The following SPG11 variants were observed in gnomAD, a reference collection of about 807,000 sequenced individuals.
SPG11 encodes spatacsin.
SPG11 carries 222 observed loss-of-function variants against 274.0 expected under a neutral mutation model. That is an observed-to-expected ratio of 0.81 (90% CI 0.73 to 0.91). The LOEUF (loss-of-function observed/expected upper bound fraction) is 0.91. SPG11 is among the 40% of genes least tolerant of loss of function. The pLI is 0.00. For synonymous variants in SPG11, 1,144 were observed against 1,039.7 expected (o/e 1.10, Z -1.93); for missense variants, 3,114 against 2,872.7 (o/e 1.08, Z -1.92).
chr15:44,657,587 C>G (rs2084978072), intron 3 of SPG11, among the ~76,000 whole-genome samples: 1 of 152,118 alleles, frequency 6.6e-6, no homozygotes, highest in South Asian at 2.1e-4. Flanking sequence ...TGAGGTAAAC[C>G]TACTATTTTA....
Position 44,651,816 on chromosome 15 carries a change from G to T in SPG11, c.1131C>A (p.His377Gln), listed in dbSNP as rs148613119. The T allele has an allele frequency of 6.2e-7, 1 of 1,614,118 alleles. No individual in the cohort carries two copies. The highest frequency in any genetic ancestry group is 8.5e-7 in the Non-Finnish European group (1 of 1,180,020). The change falls in exon 6 of 40, where the codon CAC becomes CAA. Residue 377 changes from histidine to glutamine, a missense_variant. By Grantham distance (24) the His-to-Gln change is conservative. Transcript: ENST00000261866. ...LHLESPESGN[H>Q]STSVQSWAFI... ...AGGCCCAGCTCTGCACACTTGTACT[G>T]TGGTTACCAGATTCAGGTGACTCCA...
At position 44,615,564 on chromosome 15, in the gene SPG11, T is replaced by C. The variant is rs758371302; in HGVS notation, c.2837A>G (p.Asn946Ser). Residue 946 changes from asparagine to serine, a missense_variant and splice_region_variant, in exon 16 of 40, where the codon AAT becomes AGT. By Grantham distance (46) the Asn-to-Ser change is conservative (BLOSUM62 1). Transcript: ENST00000261866. ...RNEILDKLAR[N>S]GVFLASELED... ...CAGTTCAGATGCCAAAAAAACCCCA[T>C]TCCTATGGACAGATTTATAGGATGT... The C allele has an allele frequency of 1.2e-6, 2 of 1,613,742 alleles. No individual in the cohort carries two copies. Among genetic ancestry groups the C allele is most frequent in the Admixed American group, 1.7e-5 (1 of 59,992 alleles).
intron 8 of SPG11, among the ~76,000 whole-genome samples, chr15:44,630,498 T>C (rs998492524): frequency 1.3e-5 from 2 of 152,232 alleles, no homozygotes; most frequent in Admixed American, 1.3e-4. Context: ...AAGCAGTTTT[T>C]AAAACATCAG....
intron 1 of SPG11, among the ~76,000 whole-genome samples, chr15:44,660,856 G>A (rs1566835631): frequency 6.6e-6 from 1 of 152,096 alleles, no homozygotes; most frequent in African/African-American, 2.4e-5. Context: ...GGGGCTCAGA[G>A]CAAGAAATGA....
chr15:44,641,922 G>GAAAAAAAA (rs71111874), intron 7 of SPG11, among the ~76,000 whole-genome samples: 12 of 55,870 alleles, frequency 2.1e-4, no homozygotes, highest in East Asian at 4.4e-4. Flanking sequence ...CTGCTTAACA[G>GAAAAAAAA]AAAAAAAAAA....
chr15:44,632,332 A>C (rs1316971866), intron 8 of SPG11, among the ~76,000 whole-genome samples: 2 of 152,128 alleles, frequency 1.3e-5, no homozygotes, highest in African/African-American at 4.8e-5. Context: ...CACCAAAACA[A>C]TGGTTTCCAG....
At position 44,608,395 on chromosome 15, in the gene SPG11, C is replaced by A. The variant is rs760491699; in HGVS notation, c.3453+49G>T. 1.9e-6 allele frequency: 3 copies of A among 1,588,502 alleles called. No homozygotes were observed. In the African/African-American group the frequency reaches 4.0e-5, roughly 21 times the overall value. Reference sequence around the variant, plus strand: ...AAAGATCTAGAGTGATTTCTGTTTTCCTGGCTGAACTCTGATAGACCTAAA... The same window carrying A: ...AAAGATCTAGAGTGATTTCTGTTTTACTGGCTGAACTCTGATAGACCTAAA... On this transcript the variant is annotated intron_variant, in intron 19 of 39. Transcript: ENST00000261866.
Position 44,657,178 on chromosome 15 carries a change from C to G in SPG11, c.786G>C (p.Leu262=), listed in dbSNP as rs754239754. The G allele has an allele frequency of 1.4e-5, 23 of 1,614,158 alleles. No homozygotes were observed. The highest frequency in any genetic ancestry group is 1.9e-5 in the Non-Finnish European group (23 of 1,180,034). Residue 262 remains leucine, a synonymous_variant, in exon 4 of 40, where the codon CTG becomes CTC. Coordinates refer to ENST00000261866, the MANE Select transcript of SPG11 (RefSeq NM_025137.4). The part of the protein sequence containing the change: ...EPAKISSFTS[L]KVSQDLDVAV... ...CAACATCGAGGTCTTGAGAAACTTTCAGTGAAGTAAATGAAGAAATCTTGG... is the reference window on the plus strand; with the variant it reads ...CAACATCGAGGTCTTGAGAAACTTTGAGTGAAGTAAATGAAGAAATCTTGG...
rs113449103 is a variant in SPG11 at position 44,597,904 on chromosome 15, T to C, written c.4001+361A>G. Among the ~76,000 whole-genome samples the C allele has an allele frequency of 9.2e-3, 1,403 of 152,302 alleles. 26 individuals are homozygous for C. The highest frequency in any genetic ancestry group is 0.031 in the African/African-American group (1,309 of 41,564). ...GGAAGACCCATCCTACATCATCCTC[T>C]TCTTCATTTTTTTCCAATCCTCCAA... On this transcript the variant is annotated intron_variant, in intron 23 of 39. Coordinates refer to ENST00000261866, the MANE Select transcript of SPG11 (RefSeq NM_025137.4).
Position 44,565,535 on chromosome 15 carries a change from G to A in SPG11, c.6999+319C>T, listed in dbSNP as rs374756778. ...CTTGCCCAGTGCTCACTTGCTGTGC[G>A]GCCTGGTTCCTAGCAGGCCATGGGC... On this transcript the variant is annotated intron_variant, in intron 38 of 39. Transcript: ENST00000261866. Among the ~76,000 whole-genome samples the A allele has an allele frequency of 1.3e-3, 204 of 152,272 alleles. 3 individuals carry two copies. In the South Asian group the frequency reaches 0.023, roughly 18 times the overall value.
chr15:44,661,177 G>C (rs1478401996), intron 1 of SPG11, among the ~76,000 whole-genome samples: 4 of 152,104 alleles, frequency 2.6e-5, no homozygotes, highest in Non-Finnish European at 2.9e-5. Flanking sequence ...TTGAAATGTG[G>C]GGCAACTGAG....
intron 4 of SPG11, among the ~76,000 whole-genome samples, chr15:44,654,564 C>T (rs1011915731): frequency 7.2e-4 from 109 of 152,144 alleles, no homozygotes; most frequent in African/African-American, 2.6e-3. Flanking sequence ...ATTGGCTGGG[C>T]GCGGTGGCTC....
intron 20 of SPG11, among the ~76,000 whole-genome samples, chr15:44,601,899 C>T (rs1447933600): frequency 6.6e-6 from 1 of 152,094 alleles, no homozygotes; most frequent in Non-Finnish European, 1.5e-5. Flanking sequence ...CCTCTTTCAC[C>T]AATGTTTGAT....
intron 33 of SPG11, among the ~76,000 whole-genome samples, chr15:44,571,858 C>A (rs1009477213): frequency 2.6e-5 from 4 of 152,140 alleles, no homozygotes; most frequent in Non-Finnish European, 5.9e-5. Flanking sequence ...GTGTTGCAAT[C>A]ACAGCTCATT....
chr15:44,601,554 CTTCTTTT>C (rs1180596059), intron 20 of SPG11, among the ~76,000 whole-genome samples: 1,609 of 136,458 alleles, frequency 0.012, 36 homozygotes, highest in African/African-American at 0.047. Context: ...CGCCCAGCCT[CTTCTTTT>C]TTTTTTTTTT....
Position 44,596,815 on chromosome 15 carries a change from T to C in SPG11, c.4130A>G (p.His1377Arg). ...KANDWLQFII[H>R]SQLHNYHPAE... ...TGGGTGGTAGTTGTGGAGTTGGCTG[T>C]GAATAATGAACTGCAGCCAATCATT... Residue 1377 changes from histidine (H) to arginine (R), a missense_variant, in exon 24 of 40, where the codon CAC (histidine) becomes CGC (arginine). His to Arg is a conservative substitution (Grantham distance 29). Coordinates refer to ENST00000261866, the MANE Select transcript of SPG11 (RefSeq NM_025137.4). The C allele has an allele frequency of 6.2e-7, 1 of 1,614,050 alleles. No individual in the cohort carries two copies.
At position 44,598,251 on chromosome 15, in the gene SPG11, T is replaced by C. The variant is rs1402860105; in HGVS notation, c.4001+14A>G. The C allele has an allele frequency of 3.1e-6, 5 of 1,588,312 alleles. No homozygotes were observed. Among genetic ancestry groups the C allele is most frequent in the Admixed American group, 3.3e-5 (2 of 59,954 alleles). ...AGCTTGTTAGAAAAGAGGCTGAGAC[T>C]GCAACTCACAAACCTCTTTATTTCC... On this transcript the variant is annotated intron_variant, in intron 23 of 39. Transcript: ENST00000261866.
chr15:44,626,576 T>C (rs2083905880), intron 10 of SPG11, 69 bp from the exon 11 acceptor site: 4 of 1,474,546 alleles, frequency 2.7e-6, no homozygotes, highest in Non-Finnish European at 3.8e-6. Flanking sequence ...CAACATGGGA[T>C]TATACATTTA....
At chr15:44,618,520 A>C (rs2083652418) in intron 15 of SPG11, among the ~76,000 whole-genome samples, 1 of 146,770 alleles carries the variant, frequency 6.8e-6, no homozygotes, top group South Asian at 2.2e-4. Context: ...CCATCTCAAA[A>C]AAAAAAAAAA....
Sources: allele counts gnomAD v4.1 joint callset (sites outside exome capture counted in the v4.1 genomes callset), GRCh38; gene constraint gnomAD v4.1.1; transcripts MANE v1.5; gene names NCBI Gene and HGNC (gene_info 2026-07-23, HGNC 2026-07-21).